The following CTBP2 variants were observed in gnomAD, a reference collection of about 807,000 sequenced individuals.
CTBP2 encodes the protein C-terminal binding protein 2, also known as C-terminal-binding protein 2.
In CTBP2, 30 loss-of-function variants were observed where a neutral mutation model predicts 80.3. The ratio of observed to expected loss-of-function variants is 0.37; its 90% confidence interval spans 0.28 to 0.51. The LOEUF (loss-of-function observed/expected upper bound fraction) is 0.51. CTBP2 is among the 20% of genes least tolerant of loss of function. The pLI is 0.93. For synonymous variants in CTBP2, 594 were observed against 587.4 expected, an observed-to-expected ratio of 1.01 and a Z score of -0.16; for missense variants, 1,212 against 1,375.3, an observed-to-expected ratio of 0.88 and a Z score of 1.88.
chr10:125,133,361 C>T (rs1488321472), intron 1 of CTBP2, among the ~76,000 whole-genome samples: 1 of 152,232 alleles, frequency 6.6e-6, no homozygotes. Context: ...CCTGCCTACC[C>T]ATCCCCCAAG....
At chr10:125,068,428 A>C (rs1273810106) in intron 2 of CTBP2, among the ~76,000 whole-genome samples, 2 of 152,250 alleles carry the variant, frequency 1.3e-5, no homozygotes, top group African/African-American at 4.8e-5. Context: ...AGTTATAAAA[A>C]TCTAGAAAGT....
Position 124,984,714 on chromosome 10 carries a change from T to C in CTBP2, c.*4804A>G. 1 of 1,538,746 alleles carries C rather than the reference T, an allele frequency of 6.5e-7. No individual in the cohort carries two copies. Among genetic ancestry groups the C allele is most frequent in the African/African-American group, 1.4e-5 (1 of 73,172 alleles). On this transcript the variant is annotated 3_prime_UTR_variant, in exon 9 of 9. Transcript: ENST00000309035. ...CCAGCTGTAGGTTTCCATGTCACAT[T>C]CCTACCAAGTCTCTGATCTGTTGTA... is the stretch of plus-strand genomic sequence containing the variant.
At chr10:125,123,440 T>C (rs1446986931) in intron 1 of CTBP2, among the ~76,000 whole-genome samples, 2 of 152,230 alleles carry the variant, frequency 1.3e-5, no homozygotes, top group South Asian at 2.1e-4. Flanking sequence ...GGACCTCCTG[T>C]ATTACCTTCT....
intron 1 of CTBP2, among the ~76,000 whole-genome samples, chr10:125,114,222 C>G (rs868011136): frequency 6.6e-6 from 1 of 152,166 alleles, no homozygotes; most frequent in East Asian, 1.9e-4. Context: ...GTGTAACTGC[C>G]GGTCAGCATG....
At chr10:125,120,065 C>G (rs77962052) in intron 1 of CTBP2, among the ~76,000 whole-genome samples, 19 of 152,332 alleles carry the variant, frequency 1.2e-4, no homozygotes, top group African/African-American at 4.6e-4. Context: ...GCAGATGTCT[C>G]AATTCCAATA....
At chr10:124,999,852 A>G (rs1388653547) in intron 3 of CTBP2, 1 of 152,238 alleles carries the variant, frequency 6.6e-6, no homozygotes, top group Non-Finnish European at 1.5e-5. Flanking sequence ...GACAATTTTC[A>G]TTCCTCGGGC....
intron 1 of CTBP2, among the ~76,000 whole-genome samples, chr10:125,133,350 A>G (rs1856474720): frequency 6.6e-6 from 1 of 152,318 alleles, no homozygotes; most frequent in East Asian, 1.9e-4. Context: ...AGACCTGCTC[A>G]CCTGCCTACC....
At chr10:125,045,153 A>G (rs12242908) in intron 2 of CTBP2, among the ~76,000 whole-genome samples, 11,105 of 152,186 alleles carry the variant, frequency 0.073, 490 homozygotes, top group South Asian at 0.18. Context: ...CCCAGTCCGT[A>G]GTACCCAATA....
At chr10:125,123,042 C>T (rs1416821940) in intron 1 of CTBP2, among the ~76,000 whole-genome samples, 1 of 152,158 alleles carries the variant, frequency 6.6e-6, no homozygotes, top group Non-Finnish European at 1.5e-5. Flanking sequence ...AGATGGTGAA[C>T]GGATTAGTGG....
chr10:124,993,260 C>T lies in CTBP2; in HGVS notation c.2601G>A (p.Glu867=), dbSNP rs758465916. The T allele has an allele frequency of 2.9e-5, 47 of 1,607,268 alleles. No homozygotes were observed. Among genetic ancestry groups the T allele is most frequent in the Non-Finnish European group, 3.8e-5 (45 of 1,174,620 alleles). Reference sequence around the variant, plus strand: ...CCTCCCTCATCTCCAGTGACGCCTGCTCACTGTACCAGGCAGTGTGAGGAG... The same window carrying T: ...CCTCCCTCATCTCCAGTGACGCCTGTTCACTGTACCAGGCAGTGTGAGGAG... The change falls in exon 7 of 9, where the codon GAG becomes GAA. Residue 867 remains glutamate, a synonymous_variant. Coordinates refer to ENST00000309035, the MANE Select transcript of CTBP2 (RefSeq NM_022802.3).
chr10:125,117,807 A>C (rs1264280636), intron 1 of CTBP2, among the ~76,000 whole-genome samples: 1 of 152,246 alleles, frequency 6.6e-6, no homozygotes, highest in African/African-American at 2.4e-5. Context: ...AAAAAACAAC[A>C]ACCCCGAAAG....
At chr10:125,127,731 C>T (rs1855505199) in intron 1 of CTBP2, among the ~76,000 whole-genome samples, 1 of 152,190 alleles carries the variant, frequency 6.6e-6, no homozygotes, top group South Asian at 2.1e-4. Context: ...TCACTATGCC[C>T]TATACGCACC....
At position 124,985,068 on chromosome 10, in the gene CTBP2, G is replaced by C; in HGVS notation, c.*4450C>G. The C allele has an allele frequency of 8.3e-7, 1 of 1,203,850 alleles. No individual in the cohort carries two copies. The highest frequency in any genetic ancestry group is 1.2e-6 in the Non-Finnish European group (1 of 847,304). 74.6% of individuals were successfully genotyped at this position (1,203,850 alleles called of 1,614,324 possible). A position where few individuals can be genotyped will look rare whatever the true frequency, so the allele number is the denominator to read the frequency against. ...TAAAGTTAGTGTGGTGCTCCAAGCA[G>C]AGTCGACATCATGGAATGAACCAAA... On this transcript the variant is annotated 3_prime_UTR_variant, in exon 9 of 9. Transcript: ENST00000309035.
At chr10:124,997,936 G>C (rs373689128) in intron 4 of CTBP2, 28 bp downstream of exon 6, 9 of 1,595,062 alleles carry the variant, frequency 5.6e-6, no homozygotes, top group Non-Finnish European at 7.7e-6. Flanking sequence ...CGGAGGGGTT[G>C]GGGGTCAGCG....
intron 1 of CTBP2, among the ~76,000 whole-genome samples, chr10:125,021,010 T>A (rs906849243): frequency 6.6e-6 from 1 of 152,102 alleles, no homozygotes; most frequent in African/African-American, 2.4e-5. Flanking sequence ...TTGGCCGCTG[T>A]CTAGTTGTCC....
intron 2 of CTBP2, among the ~76,000 whole-genome samples, chr10:125,050,808 G>A (rs61870324): frequency 0.055 from 8,445 of 152,276 alleles, 328 homozygotes; most frequent in South Asian, 0.13. Context: ...TAAAATATAA[G>A]TTAGTGGAAA....
intron 1 of CTBP2, among the ~76,000 whole-genome samples, chr10:125,017,909 G>T (rs545568357): frequency 6.6e-6 from 1 of 152,320 alleles, no homozygotes; most frequent in South Asian, 2.1e-4. Flanking sequence ...TGTTACCCAT[G>T]GGAAGCGAGC....
chr10:125,070,451 G>C (rs984125023), intron 2 of CTBP2, among the ~76,000 whole-genome samples: 13 of 152,022 alleles, frequency 8.6e-5, no homozygotes, highest in African/African-American at 2.7e-4. Context: ...CAGAGCTTTG[G>C]GAGGCTGAGC....
chr10:125,090,541 T>A (rs907013431), intron 2 of CTBP2, among the ~76,000 whole-genome samples: 4 of 149,768 alleles, frequency 2.7e-5, no homozygotes, highest in African/African-American at 7.4e-5. Context: ...GGTGGAAGGA[T>A]CACTTGAGGC....
Sources: gnomAD v4.1 joint callset for allele counts (sites outside exome capture counted in the v4.1 genomes callset) on GRCh38, gnomAD v4.1.1 for gene constraint, MANE v1.5 for transcripts, NCBI Gene and HGNC (gene_info 2026-07-23, HGNC 2026-07-21) for gene names.